ELF4: variants seen among roughly 807,000 people sequenced by gnomAD.
ELF4 encodes E74 like ETS transcription factor 4.
A neutral mutation model predicts 31.7 loss-of-function variants in ELF4; 10 were observed. The observed-to-expected ratio is 0.32, with a 90% CI of 0.19 to 0.54. ELF4 has a LOEUF of 0.54. Among genes scored for constraint, ELF4 ranks in the 20% least tolerant of loss-of-function variants. ELF4 has a pLI of 0.95. For synonymous variants in ELF4, 208 were observed against 226.7 expected, an observed-to-expected ratio of 0.92 and a Z score of 0.74; for missense variants, 418 against 522.0, an observed-to-expected ratio of 0.80 and a Z score of 1.94.
chrX:130,106,550 C>T (rs1201333206), intron 1 of ELF4, among the ~76,000 whole-genome samples: 1 of 111,292 alleles, frequency 9.0e-6, no homozygotes, highest in Non-Finnish European at 1.9e-5. Context: ...ACAGGACACA[C>T]GAGGCTCAGC....
upstream of ELF4, among the ~76,000 whole-genome samples, chrX:130,111,001 G>T (rs1488753408): frequency 2.1e-5 from 2 of 96,886 alleles, no homozygotes; most frequent in Non-Finnish European, 4.2e-5. Context: ...GACTGCGGGC[G>T]GGCGGGGTGG....
chrX:130,087,544 G>A (rs1932980012), intron 1 of ELF4, among the ~76,000 whole-genome samples: 1 of 112,644 alleles, frequency 8.9e-6, no homozygotes, highest in Admixed American at 9.3e-5. Flanking sequence ...GCAGTGGCGC[G>A]ATCTCGGCTC....
intron 3 of ELF4, among the ~76,000 whole-genome samples, chrX:130,074,354 C>T (rs1359701354): frequency 1.8e-5 from 2 of 111,360 alleles, no homozygotes; most frequent in Admixed American, 9.5e-5. Flanking sequence ...CCCTCCTTAC[C>T]TAACTCTCCA....
At chrX:130,094,166 A>C (rs1445956325) in intron 1 of ELF4, among the ~76,000 whole-genome samples, 1 of 110,675 alleles carries the variant, frequency 9.0e-6, no homozygotes, top group African/African-American at 3.3e-5. Flanking sequence ...TGGGCGGATC[A>C]TGAGGTCAGG....
intron 1 of ELF4, among the ~76,000 whole-genome samples, chrX:130,099,571 T>A (rs1450825469): frequency 9.0e-6 from 1 of 111,260 alleles, no homozygotes; most frequent in African/African-American, 3.3e-5. Context: ...CGATACTCCG[T>A]CTCAAAAAAC....
intron 2 of ELF4, among the ~76,000 whole-genome samples, chrX:130,079,185 C>T (rs750920050): frequency 1.8e-5 from 2 of 110,696 alleles, no homozygotes; most frequent in East Asian, 2.9e-4. Flanking sequence ...AGGCCAGGCG[C>T]GGTGGCTCAC....
In ELF4 at chrX:130,067,311, T is replaced by TG; in HGVS notation, c.1401dup (p.Ser468GlnfsTer68). ...GCTGCCACCTGGCTGTCTTGGAAAC[T>TG]GGCGTTCAGGGGGAAAGAGGCCTGC... is the stretch of plus-strand genomic sequence containing the variant. On this transcript the variant is annotated frameshift_variant, in exon 9 of 9. Coordinates refer to ENST00000308167, the MANE Select transcript of ELF4 (RefSeq NM_001421.4). LOFTEE classifies it high-confidence loss of function. 8.3e-7 allele frequency: 1 copy of TG among 1,212,037 alleles called. No individual in the cohort carries two copies. Among genetic ancestry groups the TG allele is most frequent in the Non-Finnish European group, 1.1e-6 (1 of 895,505 alleles).
intron 1 of ELF4, among the ~76,000 whole-genome samples, chrX:130,107,559 C>T (rs183233673): frequency 1.8e-5 from 2 of 111,992 alleles, no homozygotes; most frequent in South Asian, 3.7e-4. Flanking sequence ...CCAGCCCACA[C>T]GAAAAGGTAC....
intron 2 of ELF4, among the ~76,000 whole-genome samples, chrX:130,076,651 G>A (rs966512477): frequency 2.7e-5 from 3 of 111,501 alleles, no homozygotes; most frequent in Admixed American, 9.5e-5. Context: ...GGCTGGTCTC[G>A]AACTCCTGAC....
chrX:130,090,955 C>T (rs754667209), intron 1 of ELF4, among the ~76,000 whole-genome samples: 16 of 111,246 alleles, frequency 1.4e-4, no homozygotes, highest in Admixed American at 3.8e-4. Context: ...TGGAACTACA[C>T]GTGCACGCCA....
At chrX:130,089,307 A>T (rs1156713900) in intron 1 of ELF4, among the ~76,000 whole-genome samples, 4 of 107,555 alleles carry the variant, frequency 3.7e-5, no homozygotes, top group African/African-American at 6.8e-5. Context: ...GTTCGAGACC[A>T]GCCTGGGCAA....
At chrX:130,102,880 G>GAAAGA (rs1287667948) in intron 1 of ELF4, among the ~76,000 whole-genome samples, 1 of 44,621 alleles carries the variant, frequency 2.2e-5, no homozygotes, top group Non-Finnish European at 4.0e-5. Context: ...GAGAGAGAGA[G>GAAAGA]AGAGAGAAAG....
At chrX:130,082,603 G>A (rs1275210032) in intron 1 of ELF4, among the ~76,000 whole-genome samples, 1 of 110,834 alleles carries the variant, frequency 9.0e-6, no homozygotes, top group Non-Finnish European at 1.9e-5. Context: ...GTCACATGGC[G>A]TCCGGGCCTG....
chrX:130,105,854 CTGTGTGTGTGTGTGTGTGTGTG>C (rs60216838), intron 1 of ELF4, among the ~76,000 whole-genome samples: 3 of 86,492 alleles, frequency 3.5e-5, no homozygotes, highest in South Asian at 6.7e-4. Context: ...CCCCAGGGGC[CTGTGTGTGTGTGTGTGTGTGTG>C]TGTGTGTGTG....
intron 1 of ELF4, among the ~76,000 whole-genome samples, chrX:130,102,858 G>GAA (rs1933289721): frequency 1.8e-5 from 1 of 54,426 alleles, no homozygotes; most frequent in African/African-American, 8.1e-5. Flanking sequence ...AAAGATGAGA[G>GAA]AGAGAGAGAG....
At chrX:130,111,234 C>T (rs1933484842), upstream of ELF4, among the ~76,000 whole-genome samples, 1 of 111,727 alleles carries the variant, frequency 9.0e-6, no homozygotes, top group Non-Finnish European at 1.9e-5. Context: ...CACTCTGCTT[C>T]TAGCCAGCGA....
rs1291461681 is a variant in ELF4, at chrX:130,067,532, A to G, written c.1188-7T>C. ...GCTGGGCACTGAAGATGCACTGAGA[A>G]GAAACAGAGAACAGAGTTGGTTAAG... On this transcript the variant is annotated splice_region_variant and splice_polypyrimidine_tract_variant and intron_variant, in intron 8 of 8. Transcript: ENST00000308167. The G allele has an allele frequency of 8.3e-7, 1 of 1,208,701 alleles. No individual in the cohort carries two copies. Among genetic ancestry groups the G allele is most frequent in the Non-Finnish European group, 1.1e-6 (1 of 893,751 alleles).
rs781125403 is a variant in ELF4 at position 130,075,569 on chromosome X, C to T, written c.76-817G>A. 7.1e-5 allele frequency among the ~76,000 whole-genome samples: 8 copies of T among 112,336 alleles called. No homozygotes were observed. In the South Asian group the frequency reaches 2.9e-3, roughly 41 times the overall value. ...GGGATTACAGGCGTGAGCCACTGCA[C>T]CCGGCCAGGCAAGTATTTTTAACTG... On this transcript the variant is annotated intron_variant, in intron 2 of 8. Coordinates refer to ENST00000308167, the MANE Select transcript of ELF4 (RefSeq NM_001421.4).
chrX:130,106,226 C>T (rs189584101), intron 1 of ELF4, among the ~76,000 whole-genome samples: 5 of 108,884 alleles, frequency 4.6e-5, no homozygotes, highest in Admixed American at 2.0e-4. Context: ...CTGCTGCTGA[C>T]CTCCAGTCCC....
Sources: allele counts gnomAD v4.1 joint callset (sites outside exome capture counted in the v4.1 genomes callset), GRCh38; gene constraint gnomAD v4.1.1; transcripts MANE v1.5; gene names NCBI Gene and HGNC (gene_info 2026-07-23, HGNC 2026-07-21).